The following DCC variants were observed in gnomAD, a reference collection of about 807,000 sequenced individuals.
The protein encoded by DCC is DCC netrin 1 receptor.
In DCC, 58 loss-of-function variants were observed where a neutral mutation model predicts 172.5. The ratio of observed to expected loss-of-function variants is 0.34; its 90% confidence interval spans 0.27 to 0.42. DCC has a LOEUF of 0.42. Ranked by LOEUF, DCC falls within the 10% of genes least tolerant of loss-of-function variation. The probability of loss-of-function intolerance (pLI) is 1.00; values close to 1 mark genes in which losing one functional copy is unlikely to be tolerated. For synonymous variants in DCC, 709 were observed against 644.5 expected (o/e 1.10, Z -1.52); for missense variants, 1,740 against 1,791.0 (o/e 0.97, Z 0.51).
At chr18:52,940,480 T>C (rs575180578) in intron 5 of DCC, among the ~76,000 whole-genome samples, 32 of 152,280 alleles carry the variant, frequency 2.1e-4, no homozygotes, top group African/African-American at 7.5e-4. Context: ...AGCTCCACCA[T>C]GATTCTATTT....
chr18:53,441,599 TC>T (rs1386602836), intron 22 of DCC, among the ~76,000 whole-genome samples: 1 of 152,164 alleles, frequency 6.6e-6, no homozygotes, highest in Middle Eastern at 3.2e-3. Context: ...AGTCTCTCAT[TC>T]TTTCCTCCCC....
chr18:53,508,868 T>C (rs1424724344), intron 27 of DCC, among the ~76,000 whole-genome samples: 4 of 152,182 alleles, frequency 2.6e-5, no homozygotes, highest in Non-Finnish European at 5.9e-5. Context: ...AAATCATAAA[T>C]GCATTTGACA....
At chr18:53,176,918 T>C (rs963947683) in intron 8 of DCC, among the ~76,000 whole-genome samples, 8 of 151,088 alleles carry the variant, frequency 5.3e-5, no homozygotes, top group African/African-American at 1.9e-4. Flanking sequence ...AGCAAAGACT[T>C]GGAACCAACC....
intron 12 of DCC, among the ~76,000 whole-genome samples, chr18:53,231,329 A>G (rs995518646): frequency 6.6e-6 from 1 of 152,122 alleles, no homozygotes; most frequent in South Asian, 2.1e-4. Context: ...TTGGCTCTTT[A>G]GATGAAAAGT....
At chr18:53,208,672 G>T (rs1316652752) in intron 11 of DCC, among the ~76,000 whole-genome samples, 1 of 152,186 alleles carries the variant, frequency 6.6e-6, no homozygotes, top group African/African-American at 2.4e-5. Flanking sequence ...GAGACAAGAA[G>T]TGCAGTGACT....
intron 19 of DCC, among the ~76,000 whole-genome samples, 180 bp downstream of exon 19, chr18:53,403,073 T>TGC (rs1428446259): frequency 8.1e-5 from 8 of 99,168 alleles, no homozygotes; most frequent in East Asian, 5.1e-4. Context: ...CTTCTAATGG[T>TGC]GCACACACAC....
chr18:53,511,467 C>T (rs766590230), intron 27 of DCC, among the ~76,000 whole-genome samples: 10 of 152,178 alleles, frequency 6.6e-5, no homozygotes, highest in African/African-American at 1.7e-4. Context: ...CCAAGATGGC[C>T]GAATAGGAAC....
intron 8 of DCC, among the ~76,000 whole-genome samples, chr18:53,159,683 A>G (rs1411656786): frequency 6.6e-6 from 1 of 151,350 alleles, no homozygotes; most frequent in Non-Finnish European, 1.5e-5. Context: ...GTATGCATAT[A>G]TGTAAAAGTG....
At chr18:53,418,056 T>C (rs1424709027) in intron 21 of DCC, among the ~76,000 whole-genome samples, 1 of 152,178 alleles carries the variant, frequency 6.6e-6, no homozygotes, top group Non-Finnish European at 1.5e-5. Context: ...TTAATATATT[T>C]AGTCAGTTGT....
chr18:53,121,982 G>T (rs1205407939), intron 7 of DCC, among the ~76,000 whole-genome samples: 2 of 151,916 alleles, frequency 1.3e-5, no homozygotes, highest in Non-Finnish European at 2.9e-5. Context: ...CCTATTTTGA[G>T]AAAGAACACA....
chr18:52,681,873 G>A (rs1255375044), intron 1 of DCC, among the ~76,000 whole-genome samples: 2 of 145,996 alleles, frequency 1.4e-5, no homozygotes, highest in African/African-American at 2.5e-5. Context: ...GACTTTTACA[G>A]TTTCTAAATA....
intron 26 of DCC, among the ~76,000 whole-genome samples, chr18:53,490,501 C>T (rs2045949084): frequency 6.6e-6 from 1 of 152,090 alleles, no homozygotes; most frequent in South Asian, 2.1e-4. Flanking sequence ...TTTGACTCTG[C>T]TGTGTAATGG....
intron 23 of DCC, among the ~76,000 whole-genome samples, chr18:53,456,355 G>A (rs1599170589): frequency 6.6e-6 from 1 of 152,092 alleles, no homozygotes; most frequent in Admixed American, 6.6e-5. Context: ...AGCCTGGGAG[G>A]GTTCTTTGTT....
intron 13 of DCC, among the ~76,000 whole-genome samples, chr18:53,320,084 T>C (rs2057391493): frequency 6.7e-6 from 1 of 149,300 alleles, no homozygotes; most frequent in Non-Finnish European, 1.5e-5. Flanking sequence ...TTTTTTTTTT[T>C]TTTTTTGAGA....
intron 2 of DCC, among the ~76,000 whole-genome samples, chr18:52,794,161 T>A (rs1161237587): frequency 6.6e-6 from 1 of 151,698 alleles, no homozygotes; most frequent in African/African-American, 2.4e-5. Flanking sequence ...AAATTTTAGT[T>A]TTTTTTTATA....
At chr18:53,448,132 C>T (rs1436504036) in intron 22 of DCC, among the ~76,000 whole-genome samples, 1 of 143,096 alleles carries the variant, frequency 7.0e-6, no homozygotes, top group Non-Finnish European at 1.5e-5. Context: ...GAGGCAAGTA[C>T]TGGGTTATTA....
chr18:53,317,336 G>T (rs1021820906), intron 13 of DCC, among the ~76,000 whole-genome samples: 2 of 152,212 alleles, frequency 1.3e-5, no homozygotes, highest in African/African-American at 4.8e-5. Context: ...AAGCCAACTT[G>T]ATTATGGTGA....
chr18:52,366,586 T>C (rs925372603), intron 1 of DCC, among the ~76,000 whole-genome samples: 29 of 151,762 alleles, frequency 1.9e-4, no homozygotes, highest in African/African-American at 6.8e-4. Flanking sequence ...CCAGAGCAGC[T>C]AGATACAGAG....
chr18:52,360,230 C>T (rs951600552), intron 1 of DCC, among the ~76,000 whole-genome samples: 2 of 152,156 alleles, frequency 1.3e-5, no homozygotes, highest in Non-Finnish European at 1.5e-5. Context: ...ATTCAATTTT[C>T]TGTTAATCAT....
Sources: allele counts gnomAD v4.1 joint callset (sites outside exome capture counted in the v4.1 genomes callset), GRCh38; gene constraint gnomAD v4.1.1; transcripts MANE v1.5; gene names NCBI Gene and HGNC (gene_info 2026-07-23, HGNC 2026-07-21).